PACRG: variants seen among roughly 807,000 people sequenced by gnomAD.
PACRG encodes parkin coregulated.
In PACRG, 29 loss-of-function variants were observed where a neutral mutation model predicts 29.7. The ratio of observed to expected loss-of-function variants is 0.98; its 90% CI spans 0.73 to 1.33. The LOEUF is 1.33. Ranked by LOEUF, PACRG falls within the 40% of genes most tolerant of loss-of-function variation. The probability of loss-of-function intolerance (pLI) is 0.00; values close to 1 mark genes in which losing one functional copy is unlikely to be tolerated. For missense variants in PACRG, 279 were observed against 316.2 expected, an observed-to-expected ratio of 0.88 and a Z score of 0.89; for synonymous variants, 116 against 118.7, an observed-to-expected ratio of 0.98 and a Z score of 0.15.
intron 4 of PACRG, among the ~76,000 whole-genome samples, chr6:163,192,437 T>C (rs1176598867): frequency 1.3e-5 from 2 of 152,230 alleles, no homozygotes; most frequent in African/African-American, 4.8e-5. Flanking sequence ...GGGGACAAGC[T>C]GTATTTTCCC....
intron 1 of PACRG, among the ~76,000 whole-genome samples, chr6:162,764,415 A>T (rs1421269448): frequency 6.6e-6 from 1 of 152,170 alleles, no homozygotes; most frequent in Non-Finnish European, 1.5e-5. Flanking sequence ...CTTATAACTG[A>T]ATCAACACAA....
chr6:163,067,174 C>T (rs948474301), intron 3 of PACRG, among the ~76,000 whole-genome samples: 4 of 152,178 alleles, frequency 2.6e-5, no homozygotes, highest in Admixed American at 1.3e-4. Flanking sequence ...TATGCATCCG[C>T]GGACCTTGGT....
intron 2 of PACRG, among the ~76,000 whole-genome samples, chr6:162,938,881 CT>C (rs1269426142): frequency 6.6e-6 from 1 of 152,010 alleles, no homozygotes; most frequent in East Asian, 1.9e-4. Flanking sequence ...CATTTGAGTT[CT>C]TTGTAGATTC....
intron 2 of PACRG, among the ~76,000 whole-genome samples, chr6:162,984,662 C>T (rs541454893): frequency 1.3e-5 from 2 of 152,094 alleles, no homozygotes; most frequent in Non-Finnish European, 2.9e-5. Flanking sequence ...CTTTTCACCA[C>T]ATCCATGCCA....
intron 2 of PACRG, among the ~76,000 whole-genome samples, chr6:162,980,078 T>C (rs778572315): frequency 3.5e-4 from 54 of 152,154 alleles, no homozygotes; most frequent in Non-Finnish European, 7.4e-4. Context: ...ATGGTCGATA[T>C]GTTAGCTTCT....
chr6:162,847,382 A>G (rs551056124), intron 2 of PACRG, among the ~76,000 whole-genome samples: 16 of 152,114 alleles, frequency 1.1e-4, no homozygotes, highest in Non-Finnish European at 1.3e-4. Flanking sequence ...GCAGGCCCAC[A>G]TTTCTCATCT....
At chr6:163,191,071 C>A in intron 4 of PACRG, 2 of 420,358 alleles carry the variant, frequency 4.8e-6, no homozygotes, top group Admixed American at 2.7e-5. Flanking sequence ...AACAAACAAA[C>A]AAAAAACCTG....
intron 1 of PACRG, among the ~76,000 whole-genome samples, chr6:162,790,307 T>C (rs1252385646): frequency 1.3e-5 from 2 of 152,108 alleles, no homozygotes; most frequent in African/African-American, 2.4e-5. Flanking sequence ...ATAGGATGGA[T>C]AGGTTCAGTG....
At chr6:163,123,643 C>A (rs1467361591) in intron 4 of PACRG, among the ~76,000 whole-genome samples, 1 of 152,200 alleles carries the variant, frequency 6.6e-6, no homozygotes, top group African/African-American at 2.4e-5. Context: ...ATCCATTGAA[C>A]AGCAACTCTG....
intron 3 of PACRG, among the ~76,000 whole-genome samples, chr6:163,071,567 G>A (rs1357753259): frequency 1.3e-5 from 2 of 151,860 alleles, no homozygotes; most frequent in African/African-American, 2.4e-5. Flanking sequence ...ATGTATAGCT[G>A]TAAGGCTACA....
At chr6:162,848,124 G>A (rs1790563861) in intron 2 of PACRG, among the ~76,000 whole-genome samples, 1 of 152,146 alleles carries the variant, frequency 6.6e-6, no homozygotes, top group Non-Finnish European at 1.5e-5. Flanking sequence ...CTGCGGCCCA[G>A]GAGAGGACAG....
chr6:163,249,652 T>C (rs1221725673), intron 4 of PACRG, among the ~76,000 whole-genome samples: 1 of 152,032 alleles, frequency 6.6e-6, no homozygotes, highest in Non-Finnish European at 1.5e-5. Flanking sequence ...GCTGTGGAGA[T>C]TGTGTCGGAT....
At chr6:163,161,604 A>T (rs1778559405) in intron 4 of PACRG, among the ~76,000 whole-genome samples, 1 of 152,222 alleles carries the variant, frequency 6.6e-6, no homozygotes, top group South Asian at 2.1e-4. Context: ...ACTTGTGTGT[A>T]TATATCTGAA....
chr6:162,904,885 T>C (rs1484091064), intron 2 of PACRG, among the ~76,000 whole-genome samples: 1 of 152,166 alleles, frequency 6.6e-6, no homozygotes, highest in African/African-American at 2.4e-5. Flanking sequence ...ATTAGGCTTC[T>C]TTGAGGAAAT....
intron 2 of PACRG, among the ~76,000 whole-genome samples, chr6:162,994,939 T>G (rs1331366936): frequency 6.7e-6 from 1 of 148,684 alleles, no homozygotes; most frequent in African/African-American, 2.6e-5. Context: ...TCCTTTCTGT[T>G]TGTTAGTTTT....
chr6:163,046,876 C>T (rs1478092006), intron 2 of PACRG, among the ~76,000 whole-genome samples: 3 of 152,142 alleles, frequency 2.0e-5, no homozygotes, highest in Non-Finnish European at 4.4e-5. Flanking sequence ...GTATAAAGAG[C>T]TTTAACAAAT....
intron 1 of PACRG, among the ~76,000 whole-genome samples, chr6:162,765,445 A>G (rs928644570): frequency 1.3e-5 from 2 of 151,990 alleles, no homozygotes; most frequent in African/African-American, 4.8e-5. Flanking sequence ...CCTTTTGTTT[A>G]TGGCTCTCTC....
intron 1 of PACRG, among the ~76,000 whole-genome samples, chr6:162,747,352 A>ATTTATG (rs1442561300): frequency 1.3e-5 from 1 of 74,632 alleles, no homozygotes; most frequent in African/African-American, 7.5e-5. Context: ...ATATATATAT[A>ATTTATG]TATATATATA....
At chr6:163,268,167 G>A (rs13202006) in intron 4 of PACRG, among the ~76,000 whole-genome samples, 36,729 of 151,986 alleles carry the variant, frequency 0.24, 4,812 homozygotes, top group Middle Eastern at 0.33. Flanking sequence ...CTGGGAGGCC[G>A]AGGCGGGTGG....
Sources: gnomAD v4.1 joint callset for allele counts (sites outside exome capture counted in the v4.1 genomes callset) on GRCh38, gnomAD v4.1.1 for gene constraint, MANE v1.5 for transcripts, NCBI Gene and HGNC (gene_info 2026-07-23, HGNC 2026-07-21) for gene names.